The following DMD variants were observed in gnomAD, a reference collection of about 807,000 sequenced individuals.
DMD encodes the protein mutant dystrophin.
In DMD, 63 loss-of-function variants were observed where a neutral mutation model predicts 330.1. The observed-to-expected ratio is 0.19, with a 90% confidence interval of 0.16 to 0.24. The LOEUF is 0.24. Among genes scored for constraint, DMD ranks in the 10% least tolerant of loss-of-function variants. The pLI, the probability that DMD is intolerant of heterozygous loss-of-function variation, is 1.00. For synonymous variants in DMD, 1,223 were observed against 959.8 expected (o/e 1.27, Z -5.07); for missense variants, 3,344 against 2,684.1 (o/e 1.25, Z -5.43).
At chrX:33,191,001 A>AT (rs1236939604) in intron 1 of DMD, among the ~76,000 whole-genome samples, 2 of 875 alleles carry the variant, frequency 2.3e-3, no homozygotes, top group South Asian at 0.036. Flanking sequence ...TATAATATAT[A>AT]ATATTATATA....
In DMD at chrX:33,211,343, A is replaced by G. The variant is rs779290805; in HGVS notation, c.-31T>C. On this transcript the variant is annotated 5_prime_UTR_variant, in exon 1 of 79. Transcript: ENST00000357033. ...AAAGTGTATATCAAGGCAGCGATAA[A>G]AAAAACCTGGTAAAAGTTCTTCAAA... The G allele has an allele frequency of 8.3e-7, 1 of 1,205,340 alleles. No individual in the cohort carries two copies. The highest frequency in any genetic ancestry group is 1.8e-5 in the South Asian group (1 of 56,050).
At chrX:33,270,816 G>A (rs1569559380) in intron 1 of DMD, among the ~76,000 whole-genome samples, 1 of 111,542 alleles carries the variant, frequency 9.0e-6, no homozygotes, top group Non-Finnish European at 1.9e-5. Context: ...TTTAGAGAAA[G>A]GGTCAACATA....
chrX:32,139,795 A>C (rs954305856), intron 44 of DMD, among the ~76,000 whole-genome samples: 1 of 112,601 alleles, frequency 8.9e-6, no homozygotes, highest in Non-Finnish European at 1.9e-5. Flanking sequence ...TTCACAATAA[A>C]AAAATCTTAA....
intron 20 of DMD, among the ~76,000 whole-genome samples, chrX:32,487,444 G>A (rs941487108): frequency 8.1e-5 from 9 of 111,187 alleles, no homozygotes; most frequent in Non-Finnish European, 1.7e-4. Context: ...CCCATTAGAA[G>A]AAAGAGAAAA....
chrX:31,640,752 T>C (rs745941375), intron 54 of DMD, among the ~76,000 whole-genome samples: 24 of 112,310 alleles, frequency 2.1e-4, no homozygotes, highest in Admixed American at 6.6e-4. Context: ...CTCTCCTATA[T>C]TTCTGAGGGG....
At chrX:32,002,453 G>A (rs1469534506) in intron 44 of DMD, among the ~76,000 whole-genome samples, 5 of 111,463 alleles carry the variant, frequency 4.5e-5, no homozygotes, top group African/African-American at 9.8e-5. Flanking sequence ...CCTCACCAAG[G>A]TTATGAAGGT....
chrX:33,230,293 A>C (rs1243898668), intron 1 of DMD, among the ~76,000 whole-genome samples: 3 of 111,210 alleles, frequency 2.7e-5, no homozygotes, highest in African/African-American at 9.8e-5. Flanking sequence ...CAGTTTTATG[A>C]TACATGTTGT....
At chrX:31,660,409 T>A (rs546533778) in intron 53 of DMD, among the ~76,000 whole-genome samples, 51 of 112,090 alleles carry the variant, frequency 4.5e-4, no homozygotes, top group South Asian at 3.3e-3. Flanking sequence ...TCCTCCTCAC[T>A]TAAGCCAAAC....
intron 60 of DMD, among the ~76,000 whole-genome samples, chrX:31,354,427 GATGA>G (rs1427085279): frequency 9.2e-6 from 1 of 108,168 alleles, no homozygotes; most frequent in Admixed American, 1.0e-4. Context: ...CATTTTTGAT[GATGA>G]AAGTAAAAAA....
At chrX:32,643,602 CTTT>C (rs968501336) in intron 11 of DMD, among the ~76,000 whole-genome samples, 1 of 111,342 alleles carries the variant, frequency 9.0e-6, no homozygotes, top group South Asian at 3.7e-4. Context: ...CTCAAATCCT[CTTT>C]TTTATTAAGT....
intron 7 of DMD, among the ~76,000 whole-genome samples, chrX:32,731,323 C>A (rs1015695968): frequency 2.7e-5 from 3 of 112,299 alleles, no homozygotes; most frequent in East Asian, 5.6e-4. Context: ...AAGGTGGCAG[C>A]AAGGCTGGGG....
At chrX:32,898,098 T>C (rs1386480473) in intron 2 of DMD, among the ~76,000 whole-genome samples, 2 of 112,115 alleles carry the variant, frequency 1.8e-5, no homozygotes, top group African/African-American at 6.5e-5. Flanking sequence ...TAATTTGTGC[T>C]ATGGACCGTG....
intron 77 of DMD, among the ~76,000 whole-genome samples, chrX:31,128,625 TA>T (rs765586920): frequency 8.9e-6 from 1 of 112,254 alleles, no homozygotes; most frequent in Non-Finnish European, 1.9e-5. Flanking sequence ...CACTAAGCCA[TA>T]TTCAGAACTC....
chrX:32,490,246 A>C (rs765513563), intron 20 of DMD, among the ~76,000 whole-genome samples: 1 of 111,785 alleles, frequency 8.9e-6, no homozygotes, highest in Non-Finnish European at 1.9e-5. Flanking sequence ...CTAAACGTTC[A>C]TCCTGGAAAC....
In DMD at chrX:32,906,110, G is replaced by A. The variant is rs6631669; in HGVS notation, c.94-56290C>T. On this transcript the variant is annotated intron_variant, in intron 2 of 78. Transcript: ENST00000357033. The stretch of plus-strand genomic sequence containing the variant: ...TCCCCACGAAATCTCATGTTGAATT[G>A]TAATCCCTAATGTTAGAGGTGGGGC... 5.6e-3 allele frequency among the ~76,000 whole-genome samples: 623 copies of A among 112,193 alleles called. 25 individuals carry two copies. In the East Asian group the frequency reaches 0.12, roughly 21 times the overall value.
intron 52 of DMD, among the ~76,000 whole-genome samples, chrX:31,681,925 C>A (rs1315250316): frequency 9.0e-6 from 1 of 111,375 alleles, no homozygotes; most frequent in Non-Finnish European, 1.9e-5. Context: ...GAAACCCAGT[C>A]TCTACTAAAA....
chrX:32,266,013 T>G (rs2097342886), intron 43 of DMD, among the ~76,000 whole-genome samples: 1 of 111,618 alleles, frequency 9.0e-6, no homozygotes, highest in Non-Finnish European at 1.9e-5. Context: ...ACGTGCCATT[T>G]GGGAGGGGCC....
At chrX:32,680,318 C>T (rs762447986) in intron 9 of DMD, among the ~76,000 whole-genome samples, 1 of 111,408 alleles carries the variant, frequency 9.0e-6, no homozygotes, top group South Asian at 3.8e-4. Flanking sequence ...TTAGAAACAT[C>T]ACTAAGAACT....
At chrX:32,324,301 A>C (rs2097638865) in intron 41 of DMD, among the ~76,000 whole-genome samples, 1 of 111,546 alleles carries the variant, frequency 9.0e-6, no homozygotes, top group South Asian at 3.7e-4. Context: ...AGACAAAATT[A>C]TCTAGTTTAA....
Sources: gnomAD v4.1 joint callset for allele counts (sites outside exome capture counted in the v4.1 genomes callset) on GRCh38, gnomAD v4.1.1 for gene constraint, MANE v1.5 for transcripts, NCBI Gene and HGNC (gene_info 2026-07-23, HGNC 2026-07-21) for gene names.